Variants in SH3D19 observed in about 807,000 individuals in gnomAD.
SH3D19 encodes SH3 domain containing 19.
In SH3D19, 58 loss-of-function variants were observed where a neutral mutation model predicts 112.1. The ratio of observed to expected loss-of-function variants is 0.52; its 90% confidence interval spans 0.42 to 0.64. The LOEUF is 0.64. SH3D19 is among the 30% of genes least tolerant of loss of function. SH3D19 has a pLI of 0.00. For missense variants in SH3D19, 1,090 were observed against 1,263.4 expected (o/e 0.86, Z 2.08); for synonymous variants, 391 against 448.5 (o/e 0.87, Z 1.62).
At chr4:151,173,808 C>T (rs1375111281) in intron 7 of SH3D19, among the ~76,000 whole-genome samples, 1 of 152,192 alleles carries the variant, frequency 6.6e-6, no homozygotes, top group East Asian at 1.9e-4. Flanking sequence ...TATACAGTGA[C>T]AGTTAAGCTT....
intron 1 of SH3D19, among the ~76,000 whole-genome samples, chr4:151,279,514 G>A (rs753026565): frequency 2.6e-5 from 4 of 152,202 alleles, no homozygotes; most frequent in Non-Finnish European, 4.4e-5. Flanking sequence ...TCTGTTCAGT[G>A]AATCTAGATA....
intron 3 of SH3D19, among the ~76,000 whole-genome samples, chr4:151,186,017 G>A (rs1340715472): frequency 6.6e-6 from 1 of 152,138 alleles, no homozygotes; most frequent in Non-Finnish European, 1.5e-5. Context: ...TCCAGCCTGG[G>A]CGACAGTGAG....
intron 1 of SH3D19, among the ~76,000 whole-genome samples, chr4:151,245,686 C>T (rs1044061009): frequency 9.9e-5 from 15 of 152,202 alleles, no homozygotes; most frequent in Non-Finnish European, 1.8e-4. Flanking sequence ...ACTGCAACCT[C>T]CGCCTCCCAG....
intron 1 of SH3D19, among the ~76,000 whole-genome samples, chr4:151,236,599 C>T (rs936162723): frequency 2.6e-5 from 4 of 151,840 alleles, no homozygotes; most frequent in African/African-American, 9.7e-5. Context: ...CACCAATCAG[C>T]GCTCTGTGTC....
intron 2 of SH3D19, among the ~76,000 whole-genome samples, chr4:151,220,037 A>C (rs1439246778): frequency 6.6e-6 from 1 of 152,212 alleles, no homozygotes; most frequent in Non-Finnish European, 1.5e-5. Flanking sequence ...GCTTTCCCTC[A>C]TTGATCCGTA....
intron 1 of SH3D19, among the ~76,000 whole-genome samples, chr4:151,298,336 C>T (rs1469153944): frequency 6.6e-6 from 1 of 151,910 alleles, no homozygotes; most frequent in Non-Finnish European, 1.5e-5. Flanking sequence ...CGCCGCCATG[C>T]CCAGCTAATT....
intron 9 of SH3D19, among the ~76,000 whole-genome samples, chr4:151,153,146 T>A (rs1052335122): frequency 2.6e-5 from 4 of 152,016 alleles, no homozygotes; most frequent in South Asian, 2.1e-4. Flanking sequence ...TATATTTTTT[T>A]AAAAAAACAG....
rs549751893 is a variant in SH3D19, at chr4:151,187,099, A to G, written c.193+324T>C. Reference sequence around the variant, plus strand: ...ATGAGCCACTGCACCCGGCCGCTACATAAAATTTATATTAGATCACAGAAA... The same window carrying G: ...ATGAGCCACTGCACCCGGCCGCTACGTAAAATTTATATTAGATCACAGAAA... On this transcript the variant is annotated intron_variant, in intron 3 of 19. Coordinates refer to ENST00000604030, the MANE Select transcript of SH3D19 (RefSeq NM_001378122.1). Among the ~76,000 whole-genome samples, 14 of 152,204 alleles carry G rather than the reference A, an allele frequency of 9.2e-5. No homozygotes were observed. In the South Asian group the frequency reaches 2.7e-3, roughly 29 times the overall value.
chr4:151,292,249 T>C (rs988508757), intron 1 of SH3D19, among the ~76,000 whole-genome samples: 1 of 151,270 alleles, frequency 6.6e-6, no homozygotes, highest in Non-Finnish European at 1.5e-5. Flanking sequence ...CAGTGAGCTA[T>C]GATCACATCA....
At chr4:151,239,873 G>C (rs1326584277) in intron 1 of SH3D19, among the ~76,000 whole-genome samples, 2 of 152,134 alleles carry the variant, frequency 1.3e-5, no homozygotes, top group Non-Finnish European at 2.9e-5. Flanking sequence ...TATGGCAGCT[G>C]AAAAGTTATA....
chr4:151,306,954 C>A (rs1267715572), intron 1 of SH3D19, among the ~76,000 whole-genome samples: 3 of 151,680 alleles, frequency 2.0e-5, no homozygotes, highest in South Asian at 2.1e-4. Context: ...TCATTCCTTA[C>A]AATTTTCAGG....
chr4:151,239,425 G>C lies in SH3D19; in HGVS notation c.113-13339C>G, dbSNP rs147428354. 1.6e-3 allele frequency among the ~76,000 whole-genome samples: 236 copies of C among 152,126 alleles called. 1 individual carries two copies. The highest frequency in any genetic ancestry group is 5.4e-3 in the African/African-American group (223 of 41,504). On this transcript the variant is annotated intron_variant, in intron 1 of 19. Coordinates refer to ENST00000604030, the MANE Select transcript of SH3D19 (RefSeq NM_001378122.1). Reference sequence around the variant, plus strand: ...CTGTGTTGTTTTTGTTTTTTTTTAGGGGTGGATGCTATTAATTCATAGAGA... The same window carrying C: ...CTGTGTTGTTTTTGTTTTTTTTTAGCGGTGGATGCTATTAATTCATAGAGA...
At chr4:151,310,357 C>T (rs746406953) in intron 1 of SH3D19, among the ~76,000 whole-genome samples, 1 of 151,714 alleles carries the variant, frequency 6.6e-6, no homozygotes, top group Non-Finnish European at 1.5e-5. Context: ...CTGGACAACA[C>T]AGCAAGACCC....
rs564862749 is a variant in SH3D19, at chr4:151,121,744, A to G, written c.*347T>C. The G allele has an allele frequency of 2.9e-5, 5 of 173,608 alleles. No homozygotes were observed. The highest frequency in any genetic ancestry group is 3.6e-5 in the Non-Finnish European group (3 of 82,772). The allele number at this position is 173,608 out of a possible 1,614,324, so 10.8% of individuals were successfully genotyped here. A position where few individuals can be genotyped will look rare whatever the true frequency, so the allele number is the denominator to read the frequency against. On this transcript the variant is annotated 3_prime_UTR_variant, in exon 20 of 20. Transcript: ENST00000604030. ...AACTAAAGTAAAAAAATGAAGAAGC[A>G]TGGTTAATTCACTTGTGCTGATTAA...
At chr4:151,174,564 T>C in intron 7 of SH3D19, 106 bp downstream of exon 7, 2 of 1,035,368 alleles carry the variant, frequency 1.9e-6, no homozygotes, top group Non-Finnish European at 2.7e-6. Flanking sequence ...CATACTTGTA[T>C]ACACACACCT....
At chr4:151,216,233 C>T (rs72723767) in intron 2 of SH3D19, among the ~76,000 whole-genome samples, 407 of 152,304 alleles carry the variant, frequency 2.7e-3, no homozygotes, top group Non-Finnish European at 4.0e-3. Context: ...GTAATTCTGT[C>T]CTAAGATTTT....
chr4:151,226,933 G>C (rs1404920326), intron 1 of SH3D19, among the ~76,000 whole-genome samples: 1 of 152,062 alleles, frequency 6.6e-6, no homozygotes, highest in Admixed American at 6.6e-5. Context: ...TTTTGAACCT[G>C]AGTAACAATT....
Position 151,135,956 on chromosome 4 carries a change from C to T in SH3D19, c.2428-824G>A, listed in dbSNP as rs780475969. Reference sequence around the variant, plus strand: ...GAGGATCAGGAGTTCGAGACTAGTCCGGCCCGGGTGACAACAGCGAGACTG... The same window carrying T: ...GAGGATCAGGAGTTCGAGACTAGTCTGGCCCGGGTGACAACAGCGAGACTG... On this transcript the variant is annotated intron_variant, in intron 14 of 19. Transcript: ENST00000604030. 2.8e-4 allele frequency among the ~76,000 whole-genome samples: 43 copies of T among 151,998 alleles called. 1 individual carries two copies. In the East Asian group the frequency reaches 5.6e-3, roughly 20 times the overall value.
chr4:151,296,573 A>G (rs1417624767), intron 1 of SH3D19, among the ~76,000 whole-genome samples: 1 of 152,230 alleles, frequency 6.6e-6, no homozygotes, highest in African/African-American at 2.4e-5. Context: ...TTAATCAGTA[A>G]CACCACAAAT....
Sources: allele counts gnomAD v4.1 joint callset (sites outside exome capture counted in the v4.1 genomes callset), GRCh38; gene constraint gnomAD v4.1.1; transcripts MANE v1.5; gene names NCBI Gene and HGNC (gene_info 2026-07-23, HGNC 2026-07-21).